The following MSRA variants were observed in gnomAD, a reference collection of about 807,000 sequenced individuals.
MSRA encodes methionine sulfoxide reductase A.
In MSRA, 54 loss-of-function variants were observed where a neutral mutation model predicts 31.3. The ratio of observed to expected loss-of-function variants is 1.73; its 90% CI spans 1.39 to 2.17. The LOEUF is 2.17. Among genes scored for constraint, MSRA ranks in the 30% most tolerant of loss-of-function variants. The pLI is 0.00. For missense variants in MSRA, 507 were observed against 300.9 expected (o/e 1.69, Z -5.07); for synonymous variants, 169 against 116.5 (o/e 1.45, Z -2.90).
intron 3 of MSRA, among the ~76,000 whole-genome samples, chr8:10,286,835 A>G (rs1001211875): frequency 2.0e-5 from 3 of 152,254 alleles, no homozygotes; most frequent in African/African-American, 4.8e-5. Flanking sequence ...GAAACTAAGT[A>G]TCAGCACACT....
At chr8:10,344,550 G>A (rs1336562085) in intron 5 of MSRA, among the ~76,000 whole-genome samples, 2 of 125,550 alleles carry the variant, frequency 1.6e-5, no homozygotes, top group Non-Finnish European at 3.2e-5. Context: ...ACTCCAGCCT[G>A]GGTGACAGAG....
intron 3 of MSRA, among the ~76,000 whole-genome samples, chr8:10,285,121 C>T (rs537886689): frequency 3.3e-5 from 5 of 152,080 alleles, no homozygotes; most frequent in African/African-American, 9.6e-5. Flanking sequence ...CCATTCCCTT[C>T]GTCGTGCAGT....
chr8:10,060,015 T>C (rs1657561747), intron 1 of MSRA, among the ~76,000 whole-genome samples: 1 of 152,130 alleles, frequency 6.6e-6, no homozygotes, highest in Non-Finnish European at 1.5e-5. Context: ...CTGGCAAGAG[T>C]ATAAATTGGC....
intron 5 of MSRA, among the ~76,000 whole-genome samples, chr8:10,425,451 G>A (rs1344574083): frequency 6.6e-6 from 1 of 152,244 alleles, no homozygotes; most frequent in African/African-American, 2.4e-5. Flanking sequence ...GGAGGAGGAG[G>A]AGGGGAGGTG....
intron 2 of MSRA, among the ~76,000 whole-genome samples, chr8:10,212,977 A>G (rs1315361592): frequency 6.6e-6 from 1 of 152,196 alleles, no homozygotes; most frequent in East Asian, 1.9e-4. Flanking sequence ...GCAGTATGTA[A>G]TAATCACATC....
At chr8:10,195,940 G>A (rs1377755934) in intron 1 of MSRA, among the ~76,000 whole-genome samples, 1 of 152,218 alleles carries the variant, frequency 6.6e-6, no homozygotes, top group Admixed American at 6.5e-5. Context: ...TGACAGCAGT[G>A]TTCAAGGGTG....
intron 1 of MSRA, among the ~76,000 whole-genome samples, chr8:10,199,598 T>C (rs2012687347): frequency 6.6e-6 from 1 of 152,054 alleles, no homozygotes; most frequent in Non-Finnish European, 1.5e-5. Flanking sequence ...AAAGGGCTTG[T>C]GGTTGGGGCA....
At chr8:10,123,085 T>C (rs1337655069) in intron 1 of MSRA, among the ~76,000 whole-genome samples, 1 of 152,224 alleles carries the variant, frequency 6.6e-6, no homozygotes, top group African/African-American at 2.4e-5. Flanking sequence ...AGTTCTGTTT[T>C]TAGCTCTTCG....
At chr8:10,339,774 C>G (rs1004662001) in intron 5 of MSRA, among the ~76,000 whole-genome samples, 2 of 144,528 alleles carry the variant, frequency 1.4e-5, no homozygotes, top group Non-Finnish European at 3.1e-5. Context: ...ATCTCCTGAC[C>G]TCGTGATCCC....
intron 1 of MSRA, among the ~76,000 whole-genome samples, chr8:10,057,854 T>A (rs932837986): frequency 7.2e-5 from 11 of 152,238 alleles, no homozygotes; most frequent in African/African-American, 2.4e-4. Context: ...ATTAAACCTC[T>A]CTTCTTTATA....
chr8:10,231,819 C>T (rs1342402558), intron 2 of MSRA, among the ~76,000 whole-genome samples: 1 of 152,140 alleles, frequency 6.6e-6, no homozygotes, highest in East Asian at 1.9e-4. Flanking sequence ...AGGAGAATTG[C>T]TTGAGCCTGG....
At chr8:10,417,774 G>GTGTGTGTGTGTGTGTGTGTC (rs1554557636) in intron 5 of MSRA, among the ~76,000 whole-genome samples, 2 of 151,266 alleles carry the variant, frequency 1.3e-5, no homozygotes, top group African/African-American at 4.9e-5. Flanking sequence ...GTGTGTGTGT[G>GTGTGTGTGTGTGTGTGTGTC]TGTGTCTGTG....
intron 1 of MSRA, among the ~76,000 whole-genome samples, chr8:10,196,920 C>T (rs546174997): frequency 6.6e-6 from 1 of 152,152 alleles, no homozygotes; most frequent in South Asian, 2.1e-4. Flanking sequence ...TTGTATATGA[C>T]TCTTTATAGA....
At chr8:10,115,669 C>G (rs1800622912) in intron 1 of MSRA, among the ~76,000 whole-genome samples, 1 of 152,102 alleles carries the variant, frequency 6.6e-6, no homozygotes, top group African/African-American at 2.4e-5. Context: ...TTTGTCTAGT[C>G]TGGGCAGACA....
intron 1 of MSRA, among the ~76,000 whole-genome samples, chr8:10,080,885 C>CTAAA (rs1200730751): frequency 6.6e-6 from 1 of 152,128 alleles, no homozygotes; most frequent in Non-Finnish European, 1.5e-5. Context: ...GCTTTTCTTG[C>CTAAA]TAAAGACTAG....
At chr8:10,375,770 C>T (rs1402550039) in intron 5 of MSRA, among the ~76,000 whole-genome samples, 4 of 152,152 alleles carry the variant, frequency 2.6e-5, no homozygotes, top group Admixed American at 6.5e-5. Flanking sequence ...ACCAAGTGGT[C>T]GAGACTTTAC....
intron 1 of MSRA, among the ~76,000 whole-genome samples, chr8:10,191,834 G>C (rs1485448860): frequency 6.6e-6 from 1 of 151,816 alleles, no homozygotes; most frequent in Admixed American, 6.6e-5. Context: ...ACACATTACT[G>C]TATTAATTTT....
At chr8:10,167,070 C>G (rs1219197533) in intron 1 of MSRA, among the ~76,000 whole-genome samples, 1 of 152,140 alleles carries the variant, frequency 6.6e-6, no homozygotes, top group Non-Finnish European at 1.5e-5. Context: ...CTAATGATGC[C>G]CTTTTCATTC....
At chr8:10,351,245 C>G (rs1054366202) in intron 5 of MSRA, among the ~76,000 whole-genome samples, 17 of 56,806 alleles carry the variant, frequency 3.0e-4, no homozygotes, top group Non-Finnish European at 4.7e-4. Context: ...CTGAAGGAGA[C>G]TTTTTTTTTT....
Sources: gnomAD v4.1 joint callset for allele counts (sites outside exome capture counted in the v4.1 genomes callset) on GRCh38, gnomAD v4.1.1 for gene constraint, MANE v1.5 for transcripts, NCBI Gene and HGNC (gene_info 2026-07-23, HGNC 2026-07-21) for gene names.